The following GTF2H1 variants were observed in gnomAD, a reference collection of about 807,000 sequenced individuals.
The protein encoded by GTF2H1 is BTF2 p62.
A neutral mutation model predicts 71.2 loss-of-function variants in GTF2H1; 16 were observed. That is an observed-to-expected ratio of 0.22 (90% CI 0.15 to 0.34). GTF2H1 has a LOEUF of 0.34. Ranked by LOEUF, GTF2H1 falls within the 10% of genes least tolerant of loss-of-function variation. The pLI is 1.00. For missense variants in GTF2H1, 498 were observed against 648.2 expected, an observed-to-expected ratio of 0.77 and a Z score of 2.52; for synonymous variants, 215 against 219.0, an observed-to-expected ratio of 0.98 and a Z score of 0.16.
intron 4 of GTF2H1, among the ~76,000 whole-genome samples, chr11:18,339,277 AG>A (rs1471808408): frequency 7.9e-5 from 12 of 152,204 alleles, no homozygotes; most frequent in African/African-American, 2.9e-4. Context: ...TGACTATACA[AG>A]TTTTATCTTA....
intron 14 of GTF2H1, among the ~76,000 whole-genome samples, 165 bp from the exon 15 acceptor site, chr11:18,365,618 T>G (rs921371591): frequency 1.3e-5 from 2 of 152,104 alleles, no homozygotes; most frequent in African/African-American, 4.8e-5. Flanking sequence ...CCACACAAAA[T>G]GTGTCTGACA....
At position 18,325,000 on chromosome 11, in the gene GTF2H1, C is replaced by T. The variant is rs182526633; in HGVS notation, c.-16+2260C>T. Among the ~76,000 whole-genome samples, 18 of 152,296 alleles carry T rather than the reference C, an allele frequency of 1.2e-4. No homozygotes were observed. The East Asian group carries it at 3.5e-3, about 29-fold the overall frequency. On this transcript the variant is annotated intron_variant, in intron 1 of 14. Transcript: ENST00000265963. The stretch of plus-strand genomic sequence containing the variant: ...GTACATTTTGGTCACTCTTTACATA[C>T]TTATAAAGTTATTCCCTTTAATGCT...
chr11:18,361,612 T>G (rs1488524347), intron 14 of GTF2H1, among the ~76,000 whole-genome samples: 2 of 152,204 alleles, frequency 1.3e-5, no homozygotes, highest in Non-Finnish European at 2.9e-5. Context: ...GGGGTTGCGG[T>G]GAGCCGAGGT....
intron 5 of GTF2H1, among the ~76,000 whole-genome samples, chr11:18,340,096 A>C (rs1865123415): frequency 6.6e-6 from 1 of 151,668 alleles, no homozygotes; most frequent in Non-Finnish European, 1.5e-5. Context: ...CCCCACTCTT[A>C]CCCCTTTAGT....
At position 18,341,308 on chromosome 11, in the gene GTF2H1, G is replaced by A. The variant is rs1481496937; in HGVS notation, c.655G>A (p.Glu219Lys). Residue 219 changes from glutamate (E) to lysine (K), a missense_variant, in exon 6 of 15, where the codon GAA becomes AAA. By Grantham distance (56) the Glu-to-Lys change is moderately conservative. This residue lies in a region of GTF2H1 where 216 missense variants were observed against 306.2 expected (regional missense o/e 0.71). Transcript: ENST00000265963. ...ENVPHNMTEK[E>K]FWTRFFQSHY... Reference sequence around the variant, plus strand: ...TGTTCCCCACAACATGACAGAGAAGGAATTCTGGACACGTTTTTTCCAGTC... The same window carrying A: ...TGTTCCCCACAACATGACAGAGAAGAAATTCTGGACACGTTTTTTCCAGTC... 6.2e-7 allele frequency: 1 copy of A among 1,613,676 alleles called. No homozygotes were observed. The highest frequency in any genetic ancestry group is 1.3e-5 in the African/African-American group (1 of 74,906).
At chr11:18,362,758 C>G (rs1865734234) in intron 14 of GTF2H1, among the ~76,000 whole-genome samples, 1 of 149,826 alleles carries the variant, frequency 6.7e-6, no homozygotes, top group South Asian at 2.1e-4. Flanking sequence ...GCAACCTCTG[C>G]CTCCTGGGTT....
Position 18,366,202 on chromosome 11 carries a change from T to A in GTF2H1, c.*333T>A. 1 of 239,072 alleles carries A rather than the reference T, an allele frequency of 4.2e-6. No individual in the cohort carries two copies. The highest frequency in any genetic ancestry group is 1.6e-4 in the South Asian group (1 of 6,168). The allele number at this position is 239,072 out of a possible 1,614,324, so 14.8% of individuals were successfully genotyped here. On this transcript the variant is annotated 3_prime_UTR_variant, in exon 15 of 15. Coordinates refer to ENST00000265963, the MANE Select transcript of GTF2H1 (RefSeq NM_005316.4). The stretch of plus-strand genomic sequence containing the variant: ...GCAGTTGCTCAGGAACTGCTTTTGA[T>A]TCACATTAAGCTGCTTTCAGAAATT...
intron 1 of GTF2H1, among the ~76,000 whole-genome samples, chr11:18,329,032 G>T (rs1274544781): frequency 6.6e-6 from 1 of 152,056 alleles, no homozygotes; most frequent in Non-Finnish European, 1.5e-5. Context: ...ATATCAAAAT[G>T]GGATTGTAAG....
intron 1 of GTF2H1, among the ~76,000 whole-genome samples, chr11:18,327,731 G>A (rs1043373198): frequency 6.6e-6 from 1 of 152,158 alleles, no homozygotes; most frequent in Non-Finnish European, 1.5e-5. Context: ...TGGGACTACA[G>A]ATGTGTACCA....
At chr11:18,362,037 A>G (rs4150674) in intron 14 of GTF2H1, among the ~76,000 whole-genome samples, 3,560 of 152,344 alleles carry the variant, frequency 0.023, 87 homozygotes, top group East Asian at 0.13. Context: ...GATGTGTTCT[A>G]AACAATTCAT....
chr11:18,332,775 G>A (rs1481185950), intron 1 of GTF2H1: 2 of 199,058 alleles, frequency 1.0e-5, no homozygotes, highest in Non-Finnish European at 2.0e-5. Flanking sequence ...TTCAAATTGT[G>A]TGTGTATAAG....
chr11:18,346,549 A>G (rs1334548074), intron 7 of GTF2H1, among the ~76,000 whole-genome samples: 4 of 152,128 alleles, frequency 2.6e-5, no homozygotes, highest in Admixed American at 6.6e-5. Context: ...TACATGGTCT[A>G]GCAAGTAGCG....
At position 18,351,237 on chromosome 11, in the gene GTF2H1, A is replaced by T. The variant is rs551111280; in HGVS notation, c.1054-644A>T. Among the ~76,000 whole-genome samples the T allele has an allele frequency of 2.4e-3, 370 of 151,132 alleles. 2 individuals are homozygous for T. Among genetic ancestry groups the T allele is most frequent in the South Asian group, 9.0e-3 (43 of 4,786 alleles). On this transcript the variant is annotated intron_variant, in intron 9 of 14. Coordinates refer to ENST00000265963, the MANE Select transcript of GTF2H1 (RefSeq NM_005316.4). Reference sequence around the variant, plus strand: ...GGTGATATGCGCCTAGAAAAAAAAAATTTTTTAAGCCACAGATGTATAAGC... The same window carrying T: ...GGTGATATGCGCCTAGAAAAAAAAATTTTTTTAAGCCACAGATGTATAAGC...
At chr11:18,340,887 G>A (rs988827564) in intron 5 of GTF2H1, among the ~76,000 whole-genome samples, 4 of 152,170 alleles carry the variant, frequency 2.6e-5, no homozygotes, top group African/African-American at 9.7e-5. Flanking sequence ...TGAGCTGACA[G>A]TCCAGTGGAT....
intron 3 of GTF2H1, among the ~76,000 whole-genome samples, chr11:18,336,484 C>T (rs1322738526): frequency 1.3e-5 from 2 of 152,108 alleles, no homozygotes; most frequent in Non-Finnish European, 2.9e-5. Flanking sequence ...GCTCTAGTGT[C>T]TTTACCTTGG....
Position 18,352,412 on chromosome 11 carries a change from A to G in GTF2H1, c.1226A>G (p.Gln409Arg). The change falls in exon 11 of 15, where the codon CAA (glutamine) becomes CGA (arginine). Residue 409 changes from glutamine (Q) to arginine (R), a missense_variant. Physicochemically the swap from Gln to Arg is conservative, Grantham distance 43. Around this residue, in one of 3 missense-constraint regions of GTF2H1, gnomAD observed 266 missense variants for 301.6 expected, o/e 0.88. Coordinates refer to ENST00000265963, the MANE Select transcript of GTF2H1 (RefSeq NM_005316.4). ...DIINSFQSIR[Q>R]EMEAYTPKLT... is the part of the protein sequence containing the mutation. ...ATTAATTCTTTTCAAAGTATTAGAC[A>G]AGAAATGGAAGCTTATACACCCAAG... 1 of 1,539,652 alleles carries G rather than the reference A, an allele frequency of 6.5e-7. No homozygotes were observed. Among genetic ancestry groups the G allele is most frequent in the South Asian group, 1.1e-5 (1 of 89,440 alleles).
intron 2 of GTF2H1, 38 bp from the exon 3 acceptor site, chr11:18,335,716 G>A (rs767897310): frequency 2.8e-6 from 4 of 1,444,886 alleles, no homozygotes; most frequent in Non-Finnish European, 3.9e-6. Context: ...CCCACAGTGT[G>A]AGTGTCATCA....
At chr11:18,344,183 C>T (rs1191593133) in intron 7 of GTF2H1, among the ~76,000 whole-genome samples, 1 of 151,662 alleles carries the variant, frequency 6.6e-6, no homozygotes, top group African/African-American at 2.4e-5. Flanking sequence ...TACAATACAC[C>T]TCTCATCTGT....
chr11:18,328,077 C>G (rs1293930170), intron 1 of GTF2H1, among the ~76,000 whole-genome samples: 1 of 152,034 alleles, frequency 6.6e-6, no homozygotes, highest in African/African-American at 2.4e-5. Flanking sequence ...TGGCATGTGC[C>G]TCTAACCCCT....
Sources: allele counts gnomAD v4.1 joint callset (sites outside exome capture counted in the v4.1 genomes callset), GRCh38; gene constraint gnomAD v4.1.1; regional missense constraint gnomAD v4.1.1; transcripts MANE v1.5; gene names NCBI Gene and HGNC (gene_info 2026-07-23, HGNC 2026-07-21).